IMMP2L: variants seen among roughly 807,000 people sequenced by gnomAD.
IMMP2L encodes inner mitochondrial membrane peptidase subunit 2, also known as mitochondrial inner membrane protease subunit 2.
Under a neutral mutation model 19.3 loss-of-function variants are expected in IMMP2L, and 18 were observed. The observed-to-expected ratio is 0.93, with a 90% CI of 0.64 to 1.38. IMMP2L has a LOEUF of 1.38. Among genes scored for constraint, IMMP2L ranks in the 40% most tolerant of loss-of-function variants. The probability of loss-of-function intolerance (pLI) is 0.00; values close to 1 mark genes in which losing one functional copy is unlikely to be tolerated. For missense variants in IMMP2L, 233 were observed against 218.2 expected, an observed-to-expected ratio of 1.07 and a Z score of -0.43; for synonymous variants, 76 against 73.0, an observed-to-expected ratio of 1.04 and a Z score of -0.21.
rs554884870 is a variant in IMMP2L, at chr7:110,845,828, C to G, written c.408+40765G>C. On this transcript the variant is annotated intron_variant, in intron 5 of 5. Coordinates refer to ENST00000405709, the MANE Select transcript of IMMP2L (RefSeq NM_032549.4). The stretch of plus-strand genomic sequence containing the variant: ...AGGTAATTAGGTCATGAGAGTGGAG[C>G]CCTCATGAACGAGACTAGTGCCCTT... 1.0e-3 allele frequency among the ~76,000 whole-genome samples: 158 copies of G among 152,166 alleles called. 2 individuals are homozygous for G. Among genetic ancestry groups the G allele is most frequent in the African/African-American group, 3.6e-3 (151 of 41,508 alleles).
chr7:111,389,129 A>T (rs1348464493), intron 3 of IMMP2L, among the ~76,000 whole-genome samples: 1 of 152,150 alleles, frequency 6.6e-6, no homozygotes, highest in Non-Finnish European at 1.5e-5. Flanking sequence ...TGAGGAACTG[A>T]GAACATAGCA....
intron 2 of IMMP2L, among the ~76,000 whole-genome samples, chr7:111,487,645 T>C (rs1250427797): frequency 6.6e-6 from 1 of 152,122 alleles, no homozygotes; most frequent in African/African-American, 2.4e-5. Flanking sequence ...TATAAAAACA[T>C]GAGGAAGAAG....
intron 4 of IMMP2L, among the ~76,000 whole-genome samples, chr7:110,891,468 G>A (rs1810790617): frequency 6.6e-6 from 1 of 152,156 alleles, no homozygotes; most frequent in South Asian, 2.1e-4. Context: ...GTGGTTTTCA[G>A]GTTTTCTATA....
chr7:110,979,476 C>T (rs1377726289), intron 3 of IMMP2L, among the ~76,000 whole-genome samples: 1 of 152,056 alleles, frequency 6.6e-6, no homozygotes, highest in Non-Finnish European at 1.5e-5. Flanking sequence ...CTATTCTTAA[C>T]TCCCAATAGA....
intron 3 of IMMP2L, among the ~76,000 whole-genome samples, chr7:111,280,823 A>C (rs942421219): frequency 6.6e-6 from 1 of 152,068 alleles, no homozygotes; most frequent in African/African-American, 2.4e-5. Context: ...TAATCCCAGG[A>C]CTTTGGGAGG....
chr7:111,499,875 G>A (rs1020062783), intron 2 of IMMP2L, among the ~76,000 whole-genome samples: 2 of 152,154 alleles, frequency 1.3e-5, no homozygotes, highest in Admixed American at 6.5e-5. Context: ...CTCCCAGAAT[G>A]AGCGACGCAG....
At chr7:110,704,693 T>C (rs558394880) in intron 5 of IMMP2L, among the ~76,000 whole-genome samples, 5 of 152,314 alleles carry the variant, frequency 3.3e-5, no homozygotes, top group East Asian at 1.9e-4. Flanking sequence ...GCTAGACTAA[T>C]AAGAAATTAC....
chr7:111,517,124 A>C (rs1282442982), intron 2 of IMMP2L, among the ~76,000 whole-genome samples: 1 of 152,088 alleles, frequency 6.6e-6, no homozygotes, highest in African/African-American at 2.4e-5. Flanking sequence ...TTTTAAAAAA[A>C]ACATAGATTG....
intron 5 of IMMP2L, among the ~76,000 whole-genome samples, chr7:110,824,992 T>G (rs1294913512): frequency 1.3e-5 from 2 of 152,028 alleles, no homozygotes; most frequent in Admixed American, 1.3e-4. Context: ...TTCAGCAAAG[T>G]CTCAGGATAC....
At chr7:110,761,361 A>C (rs933475085) in intron 5 of IMMP2L, among the ~76,000 whole-genome samples, 6 of 152,130 alleles carry the variant, frequency 3.9e-5, no homozygotes, top group African/African-American at 1.4e-4. Flanking sequence ...CCTTTCCATG[A>C]CAGAAGAATC....
intron 3 of IMMP2L, among the ~76,000 whole-genome samples, chr7:110,967,211 G>T (rs1004029484): frequency 1.3e-5 from 2 of 151,986 alleles, no homozygotes; most frequent in South Asian, 2.1e-4. Flanking sequence ...AAGGAGTGGG[G>T]TCTAATGTAG....
intron 5 of IMMP2L, among the ~76,000 whole-genome samples, chr7:110,783,460 T>C (rs1206024251): frequency 1.3e-5 from 2 of 151,892 alleles, no homozygotes; most frequent in African/African-American, 2.4e-5. Context: ...GACTAAATCA[T>C]GTCAGTAAAT....
At chr7:111,499,014 C>T (rs1843876132) in intron 2 of IMMP2L, among the ~76,000 whole-genome samples, 1 of 152,084 alleles carries the variant, frequency 6.6e-6, no homozygotes. Context: ...CAAACCACTC[C>T]AAAACTTAAA....
At chr7:110,742,618 A>G (rs1797057826) in intron 5 of IMMP2L, among the ~76,000 whole-genome samples, 1 of 151,914 alleles carries the variant, frequency 6.6e-6, no homozygotes, top group Non-Finnish European at 1.5e-5. Context: ...AATACAAAAA[A>G]TTGGCTGGGC....
intron 5 of IMMP2L, among the ~76,000 whole-genome samples, chr7:110,713,114 T>G (rs1040410714): frequency 2.0e-5 from 3 of 152,174 alleles, no homozygotes; most frequent in Non-Finnish European, 4.4e-5. Flanking sequence ...TTCAGTTTCT[T>G]TCTTTTGCAT....
intron 1 of IMMP2L, among the ~76,000 whole-genome samples, chr7:111,532,222 G>C (rs1304498969): frequency 1.3e-5 from 2 of 152,076 alleles, no homozygotes; most frequent in African/African-American, 4.8e-5. Context: ...CAAGTACCAA[G>C]CTTTGCTGTT....
At chr7:111,174,947 T>C (rs1327035715) in intron 3 of IMMP2L, among the ~76,000 whole-genome samples, 1 of 151,828 alleles carries the variant, frequency 6.6e-6, no homozygotes, top group Non-Finnish European at 1.5e-5. Context: ...GATGGAATAC[T>C]AGGCTTACAA....
intron 4 of IMMP2L, among the ~76,000 whole-genome samples, chr7:110,935,736 G>A (rs1330622411): frequency 2.6e-5 from 4 of 152,088 alleles, no homozygotes; most frequent in African/African-American, 4.8e-5. Context: ...GGCACATACA[G>A]CTAAGACAAT....
chr7:111,181,572 TAA>T (rs1807710404), intron 3 of IMMP2L, among the ~76,000 whole-genome samples: 2 of 151,978 alleles, frequency 1.3e-5, no homozygotes, highest in Admixed American at 1.3e-4. Flanking sequence ...GCAATGAATA[TAA>T]ACTCAAATGA....
Sources: gnomAD v4.1 joint callset for allele counts (sites outside exome capture counted in the v4.1 genomes callset) on GRCh38, gnomAD v4.1.1 for gene constraint, MANE v1.5 for transcripts, NCBI Gene and HGNC (gene_info 2026-07-23, HGNC 2026-07-21) for gene names.